Variants in SMARCB1 observed in about 807,000 individuals in gnomAD.
The protein encoded by SMARCB1 is SWI/SNF related BAF chromatin remodeling complex subunit B1, also known as SWI/SNF-related matrix-associated actin-dependent regulator of chromatin subfamily B member 1.
In SMARCB1, 5 loss-of-function variants were observed where a neutral mutation model predicts 49.0. The ratio of observed to expected loss-of-function variants is 0.10; its 90% CI spans 0.05 to 0.21. SMARCB1 has a LOEUF of 0.21. Among genes scored for constraint, SMARCB1 ranks in the 10% least tolerant of loss-of-function variants. SMARCB1 has a pLI of 1.00. For synonymous variants in SMARCB1, 201 were observed against 200.1 expected (o/e 1.00, Z -0.04); for missense variants, 226 against 509.2 (o/e 0.44, Z 5.35).
chr22:23,837,820 C>T lies in SMARCB1; in HGVS notation c.*3640C>T. On this transcript the variant is annotated 3_prime_UTR_variant, in exon 9 of 9. Coordinates refer to ENST00000644036, the MANE Select transcript of SMARCB1 (RefSeq NM_003073.5). The stretch of plus-strand genomic sequence containing the variant: ...CACCAGCATGGCCATGAGGGCCTGG[C>T]CCAGGAAGAACAGGCTGCCCAGGAG... The T allele has an allele frequency of 6.2e-7, 1 of 1,613,540 alleles. No homozygotes were observed. Among genetic ancestry groups the T allele is most frequent in the Non-Finnish European group, 8.5e-7 (1 of 1,179,834 alleles).
intron 6 of SMARCB1, among the ~76,000 whole-genome samples, chr22:23,820,104 G>A (rs1431666611): frequency 6.6e-6 from 1 of 152,052 alleles, no homozygotes; most frequent in Non-Finnish European, 1.5e-5. Context: ...GATTATAGAC[G>A]TGAGCCACTG....
intron 6 of SMARCB1, chr22:23,818,137 GGTGTGTGTGTGTGTGTGTGTGTGT>G (rs60463265): frequency 2.3e-5 from 3 of 132,924 alleles, no homozygotes; most frequent in African/African-American, 9.0e-5. Flanking sequence ...AAATACTTTG[GGTGTGTGTGTGTGTGTGTGTGTGT>G]GTGTGTGTGT....
chr22:23,835,567 GC>G lies in SMARCB1; in HGVS notation c.*1389del, dbSNP rs1364752287. Reference sequence around the variant, plus strand: ...TCTTCCCAGGGAGTTTGCACTCAGGGCCTCTGCCCTCCATCAAAGAGTGGAA... The same window carrying G: ...TCTTCCCAGGGAGTTTGCACTCAGGGCTCTGCCCTCCATCAAAGAGTGGAA... On this transcript the variant is annotated 3_prime_UTR_variant, in exon 9 of 9. Coordinates refer to ENST00000644036, the MANE Select transcript of SMARCB1 (RefSeq NM_003073.5). 2 of 985,392 alleles carry G rather than the reference GC, an allele frequency of 2.0e-6. No individual in the cohort carries two copies. Among genetic ancestry groups the G allele is most frequent in the African/African-American group, 1.7e-5 (1 of 57,254 alleles). The allele number at this position is 985,392 out of a possible 1,614,324, so 61.0% of individuals were successfully genotyped here. A position where few individuals can be genotyped will look rare whatever the true frequency, so the allele number is the denominator to read the frequency against.
chr22:23,801,763 A>G (rs1929170373), intron 4 of SMARCB1: 1 of 211,522 alleles, frequency 4.7e-6, no homozygotes, highest in Non-Finnish European at 9.7e-6. Flanking sequence ...CTTTCACTTA[A>G]TCGTATCTTC....
At chr22:23,795,442 G>T (rs1928682276) in intron 3 of SMARCB1, among the ~76,000 whole-genome samples, 1 of 152,038 alleles carries the variant, frequency 6.6e-6, no homozygotes, top group South Asian at 2.1e-4. Context: ...GATCACCTGA[G>T]GTCAGGAGTT....
chr22:23,808,704 T>G (rs1409647835), intron 5 of SMARCB1, among the ~76,000 whole-genome samples: 1 of 151,834 alleles, frequency 6.6e-6, no homozygotes, highest in East Asian at 1.9e-4. Context: ...CATTCTTTTT[T>G]TTTTTTTTTT....
Position 23,819,172 on chromosome 22 carries a change from AT to A in SMARCB1, c.795+2237del, listed in dbSNP as rs765150332. Among the ~76,000 whole-genome samples, 6 of 152,136 alleles carry A rather than the reference AT, an allele frequency of 3.9e-5. 1 individual carries two copies. Among genetic ancestry groups the A allele is most frequent in the Admixed American group, 2.0e-4 (3 of 15,268 alleles). On this transcript the variant is annotated intron_variant, in intron 6 of 8. Coordinates refer to ENST00000644036, the MANE Select transcript of SMARCB1 (RefSeq NM_003073.5). ...CAGCCTCCTTTCTTATTAAGGCTAA[AT>A]AATATTCTGTTGTATGGATCTATCA...
Position 23,797,903 on chromosome 22 carries a change from A to C in SMARCB1, c.363-3041A>C, listed in dbSNP as rs563389529. 1.5e-4 allele frequency among the ~76,000 whole-genome samples: 23 copies of C among 152,144 alleles called. No homozygotes were observed. In the East Asian group the frequency reaches 4.3e-3, roughly 28 times the overall value. On this transcript the variant is annotated intron_variant, in intron 3 of 8. Transcript: ENST00000644036. The stretch of plus-strand genomic sequence containing the variant: ...CAAAGTGTCGGGGTTACAGGTGTGA[A>C]CCACCACACCTGGCCAGAAGGTTGA...
chr22:23,834,053 C>T lies in SMARCB1; in HGVS notation c.1119-88C>T. On this transcript the variant is annotated intron_variant, in intron 8 of 8. Transcript: ENST00000644036. The stretch of plus-strand genomic sequence containing the variant: ...CATCCTGCCTCTGTTCCCACCCCTA[C>T]ACTTGGCTGCCCTGTAGAGCCTTGG... 7.8e-6 allele frequency: 11 copies of T among 1,416,056 alleles called. No homozygotes were observed. The South Asian group carries it at 1.4e-4, about 17-fold the overall frequency. The allele number at this position is 1,416,056 out of a possible 1,614,324, so 87.7% of individuals were successfully genotyped here. A position where few individuals can be genotyped will look rare whatever the true frequency, so the allele number is the denominator to read the frequency against.
chr22:23,810,229 AAAAG>A (rs1329280631), intron 5 of SMARCB1, among the ~76,000 whole-genome samples: 2 of 150,886 alleles, frequency 1.3e-5, no homozygotes, highest in Non-Finnish European at 3.0e-5. Flanking sequence ...AAGAGTGGCT[AAAAG>A]AAAGGAAATG....
In SMARCB1 at chr22:23,797,244, C is replaced by T. The variant is rs1362629107; in HGVS notation, c.362+3556C>T. Among the ~76,000 whole-genome samples the T allele has an allele frequency of 8.7e-5, 13 of 149,794 alleles. No homozygotes were observed. In the East Asian group the frequency reaches 2.4e-3, roughly 27 times the overall value. ...TGATCTCCTGACCTCGTGATCCGCC[C>T]GCCTCGGCCTCCCAAAGTGCTGGGA... On this transcript the variant is annotated intron_variant, in intron 3 of 8. Coordinates refer to ENST00000644036, the MANE Select transcript of SMARCB1 (RefSeq NM_003073.5).
chr22:23,817,125 A>G, intron 6 of SMARCB1, 189 bp downstream of exon 6: 1 of 625,062 alleles, frequency 1.6e-6, no homozygotes, highest in Non-Finnish European at 2.9e-6. Context: ...TTCTCATAGT[A>G]AAGTGTTATA....
intron 7 of SMARCB1, among the ~76,000 whole-genome samples, chr22:23,828,625 G>A (rs1397055660): frequency 6.6e-6 from 1 of 152,136 alleles, no homozygotes; most frequent in Non-Finnish European, 1.5e-5. Context: ...TTGTGCTCCA[G>A]CCCGACAGAG....
At chr22:23,815,599 CAT>C (rs1340890000) in intron 5 of SMARCB1, 22 of 152,200 alleles carry the variant, frequency 1.4e-4, no homozygotes, top group Admixed American at 1.4e-3. Flanking sequence ...GAAATGAAGA[CAT>C]GTTTATACAA....
chr22:23,819,718 T>C (rs2029974020), intron 6 of SMARCB1, among the ~76,000 whole-genome samples: 1 of 149,336 alleles, frequency 6.7e-6, no homozygotes. Context: ...GTTTAGTTTT[T>C]TGAGGATCCA....
intron 6 of SMARCB1, chr22:23,817,941 T>G (rs2029877877): frequency 6.6e-6 from 1 of 151,772 alleles, no homozygotes; most frequent in Non-Finnish European, 1.5e-5. Flanking sequence ...TTCTCCTGTC[T>G]CAGCCTCCTG....
chr22:23,801,268 G>T, intron 4 of SMARCB1, 187 bp downstream of exon 4: 1 of 851,748 alleles, frequency 1.2e-6, no homozygotes, highest in Non-Finnish European at 1.9e-6. Context: ...TAGCCTCCTT[G>T]GCTCTGTCTG....
At chr22:23,794,271 A>T (rs748260636) in intron 3 of SMARCB1, among the ~76,000 whole-genome samples, 1 of 152,236 alleles carries the variant, frequency 6.6e-6, no homozygotes, top group Non-Finnish European at 1.5e-5. Flanking sequence ...ACTTTTTAAC[A>T]GTTCCCTCTG....
intron 4 of SMARCB1, chr22:23,802,888 CTGTT>C (rs1929256911): frequency 1.2e-5 from 4 of 346,818 alleles, no homozygotes; most frequent in African/African-American, 2.1e-5. Context: ...GCTCTGTGGT[CTGTT>C]TGTACGTCCT....
Sources: gnomAD v4.1 joint callset for allele counts (sites outside exome capture counted in the v4.1 genomes callset) on GRCh38, gnomAD v4.1.1 for gene constraint, MANE v1.5 for transcripts, NCBI Gene and HGNC (gene_info 2026-07-23, HGNC 2026-07-21) for gene names.